FOXO3: variants seen among roughly 807,000 people sequenced by gnomAD.
FOXO3 encodes the protein forkhead box O3.
A neutral mutation model predicts 41.9 loss-of-function variants in FOXO3; 4 were observed. The observed-to-expected ratio is 0.10, with a 90% CI of 0.05 to 0.22. The LOEUF (loss-of-function observed/expected upper bound fraction) is 0.22, where lower values mean the gene tolerates loss of function less well. Ranked by LOEUF, FOXO3 falls within the 10% of genes least tolerant of loss-of-function variation. FOXO3 has a pLI of 1.00. For synonymous variants in FOXO3, 318 were observed against 389.3 expected (o/e 0.82, Z 2.16); for missense variants, 534 against 906.8 (o/e 0.59, Z 5.28).
Position 108,609,334 on chromosome 6 carries a change from T to C in FOXO3, c.621+47505T>C, listed in dbSNP as rs191966809. 2.2e-3 allele frequency among the ~76,000 whole-genome samples: 332 copies of C among 152,324 alleles called. 1 individual carries two copies. The highest frequency in any genetic ancestry group is 3.6e-3 in the Non-Finnish European group (245 of 68,030). ...TTTGTTCCTGGAGAAGTCATGGTTG[T>C]GGTGACTGAGGGCATTGTCTGCTAT... On this transcript the variant is annotated intron_variant, in intron 1 of 2. Coordinates refer to ENST00000406360, the MANE Select transcript of FOXO3 (RefSeq NM_001455.4).
intron 1 of FOXO3, among the ~76,000 whole-genome samples, chr6:108,615,198 G>C (rs116488554): frequency 6.6e-6 from 1 of 151,754 alleles, no homozygotes; most frequent in Non-Finnish European, 1.5e-5. Flanking sequence ...ATCATTCCCC[G>C]CTCTTCATTC....
At chr6:108,645,264 TTATTTTCTGA>T (rs1199015279) in intron 1 of FOXO3, among the ~76,000 whole-genome samples, 1 of 152,246 alleles carries the variant, frequency 6.6e-6, no homozygotes, top group Non-Finnish European at 1.5e-5. Context: ...GCTGTTGATG[TTATTTTCTGA>T]TAGTTTTGTG....
chr6:108,587,982 A>G lies in FOXO3; in HGVS notation c.621+26153A>G, dbSNP rs182250644. On this transcript the variant is annotated intron_variant, in intron 1 of 2. Coordinates refer to ENST00000406360, the MANE Select transcript of FOXO3 (RefSeq NM_001455.4). ...TCCTCCTCTAGCTTCTTGTCTGTGT[A>G]GCGTCCTTCCTAATACCCACTGTTT... 3.9e-5 allele frequency among the ~76,000 whole-genome samples: 6 copies of G among 152,328 alleles called. No individual in the cohort carries two copies. The East Asian group carries it at 1.2e-3, about 29-fold the overall frequency.
intron 1 of FOXO3, among the ~76,000 whole-genome samples, chr6:108,591,114 G>A (rs148241894): frequency 4.7e-4 from 71 of 152,358 alleles, no homozygotes; most frequent in African/African-American, 1.6e-3. Context: ...GCTCAGGAGT[G>A]TTACAGCATT....
chr6:108,618,419 C>T (rs1036389384), intron 1 of FOXO3: 1 of 470,180 alleles, frequency 2.1e-6, no homozygotes. Context: ...GGGAATTTTA[C>T]TTCATTGAGT....
chr6:108,636,397 A>G (rs1025869794), intron 1 of FOXO3, among the ~76,000 whole-genome samples: 6 of 152,140 alleles, frequency 3.9e-5, no homozygotes, highest in Non-Finnish European at 8.8e-5. Flanking sequence ...GAGCTCATTT[A>G]GCTGAGGGGA....
In FOXO3 at chr6:108,679,026, C is replaced by T. The variant is rs573027431; in HGVS notation, c.*35-801C>T. 3.0e-3 allele frequency among the ~76,000 whole-genome samples: 455 copies of T among 151,848 alleles called. 5 individuals are homozygous for T. Among genetic ancestry groups the T allele is most frequent in the African/African-American group, 0.011 (442 of 41,438 alleles). On this transcript the variant is annotated intron_variant, in intron 2 of 2. Transcript: ENST00000406360. ...AGCTGGGACTACAGGTGCCCGCCAC[C>T]GCGCCCGGCTAATTTTTTGTATTTT...
At chr6:108,674,268 A>G (rs1770486122) in intron 2 of FOXO3, among the ~76,000 whole-genome samples, 1 of 152,204 alleles carries the variant, frequency 6.6e-6, no homozygotes, top group South Asian at 2.1e-4. Flanking sequence ...GAGTTGGCAA[A>G]GAGGAAGAGA....
intron 1 of FOXO3, among the ~76,000 whole-genome samples, chr6:108,580,870 T>C (rs1327478709): frequency 6.6e-6 from 1 of 152,230 alleles, no homozygotes; most frequent in Non-Finnish European, 1.5e-5. Flanking sequence ...ACTTGTACTC[T>C]TGTGAAGTGT....
At chr6:108,666,706 T>G (rs919481294) in intron 2 of FOXO3, among the ~76,000 whole-genome samples, 1 of 151,818 alleles carries the variant, frequency 6.6e-6, no homozygotes, top group Non-Finnish European at 1.5e-5. Context: ...TCTAGCTGGT[T>G]AGAAAAAAAG....
At chr6:108,618,936 C>T (rs1582784987) in intron 1 of FOXO3, among the ~76,000 whole-genome samples, 1 of 152,156 alleles carries the variant, frequency 6.6e-6, no homozygotes, top group South Asian at 2.1e-4. Context: ...CTGTGTTCCC[C>T]CTTCTCTTTG....
intron 1 of FOXO3, among the ~76,000 whole-genome samples, chr6:108,654,479 T>G (rs1778631630): frequency 6.6e-6 from 1 of 152,132 alleles, no homozygotes; most frequent in African/African-American, 2.4e-5. Flanking sequence ...TTTCTCCCCT[T>G]GGGAAAGCCT....
chr6:108,663,637 C>G lies in FOXO3; in HGVS notation c.804C>G (p.Ala268=). 1 of 1,613,486 alleles carries G rather than the reference C, an allele frequency of 6.2e-7. No individual in the cohort carries two copies. The highest frequency in any genetic ancestry group is 8.5e-7 in the Non-Finnish European group (1 of 1,179,604). ...NKYTKSRGRA[A]KKKAALQTAP... is the part of the protein sequence containing the mutation. Reference sequence around the variant, plus strand: ...ATACCAAGAGCCGTGGCCGCGCAGCCAAGAAGAAGGCAGCCCTGCAGACAG... The same window carrying G: ...ATACCAAGAGCCGTGGCCGCGCAGCGAAGAAGAAGGCAGCCCTGCAGACAG... Residue 268 remains alanine, a synonymous_variant, in exon 2 of 3, where the codon GCC becomes GCG. Transcript: ENST00000406360.
Position 108,561,408 on chromosome 6 carries a change from A to G in FOXO3, c.200A>G (p.Glu67Gly). 1 of 1,546,054 alleles carries G rather than the reference A, an allele frequency of 6.5e-7. No homozygotes were observed. Among genetic ancestry groups the G allele is most frequent in the Non-Finnish European group, 8.7e-7 (1 of 1,148,062 alleles). Reference protein sequence around the residue: ...IPEEEDDEDDEDGGGRAGSAM... With the variant: ...IPEEEDDEDDGDGGGRAGSAM... ...GAGGAGGAGGACGATGAAGACGACG[A>G]GGACGGCGGGGGACGGGCCGGCTCG... Residue 67 changes from glutamate to glycine, a missense_variant, in exon 1 of 3, where the codon GAG (glutamate) becomes GGG (glycine). Physicochemically the swap from Glu to Gly is moderately conservative, Grantham distance 98 (BLOSUM62 -2). This residue lies in a region of FOXO3 where 139 missense variants were observed against 163.7 expected (regional missense o/e 0.85). Transcript: ENST00000406360.
chr6:108,616,591 C>A (rs1311271467), intron 1 of FOXO3, among the ~76,000 whole-genome samples: 1 of 152,144 alleles, frequency 6.6e-6, no homozygotes, highest in African/African-American at 2.4e-5. Context: ...GCCACTGCGC[C>A]CAGCCATATT....
At chr6:108,610,788 A>G (rs1777339512) in intron 1 of FOXO3, among the ~76,000 whole-genome samples, 1 of 152,192 alleles carries the variant, frequency 6.6e-6, no homozygotes, top group African/African-American at 2.4e-5. Context: ...ATAATTTTAC[A>G]GTGACATAAA....
chr6:108,662,587 G>T (rs989166123), intron 1 of FOXO3, among the ~76,000 whole-genome samples: 1 of 152,214 alleles, frequency 6.6e-6, no homozygotes, highest in African/African-American at 2.4e-5. Context: ...GGATGAGATG[G>T]AGTCATAGAA....
intron 1 of FOXO3, among the ~76,000 whole-genome samples, chr6:108,649,515 CTTTTTTTTTT>C (rs886836999): frequency 4.2e-5 from 4 of 95,204 alleles, no homozygotes; most frequent in South Asian, 6.7e-4. Context: ...CCACCCTCAG[CTTTTTTTTTT>C]TTTTTTTTTT....
chr6:108,637,128 G>T (rs1435059351), intron 1 of FOXO3, among the ~76,000 whole-genome samples: 26 of 152,302 alleles, frequency 1.7e-4, no homozygotes. Context: ...AGCTGTGAAA[G>T]AAATAAAATA....
Sources: gnomAD v4.1 joint callset for allele counts (sites outside exome capture counted in the v4.1 genomes callset) on GRCh38, gnomAD v4.1.1 for gene constraint, gnomAD v4.1.1 regional missense constraint, MANE v1.5 for transcripts, NCBI Gene and HGNC (gene_info 2026-07-23, HGNC 2026-07-21) for gene names.